The following FHOD3 variants were observed in gnomAD, a reference collection of about 807,000 sequenced individuals.
The protein encoded by FHOD3 is FH1/FH2 domain-containing protein 3.
Under a neutral mutation model 173.0 loss-of-function variants are expected in FHOD3, and 90 were observed. The observed-to-expected ratio is 0.52, with a 90% CI of 0.44 to 0.62. The LOEUF is 0.62. Ranked by LOEUF, FHOD3 falls within the 20% of genes least tolerant of loss-of-function variation. The pLI, the probability that FHOD3 is intolerant of heterozygous loss-of-function variation, is 0.00. For synonymous variants in FHOD3, 828 were observed against 823.0 expected (o/e 1.01, Z -0.10); for missense variants, 1,945 against 2,034.7 (o/e 0.96, Z 0.85).
intron 5 of FHOD3, among the ~76,000 whole-genome samples, chr18:36,536,307 A>G (rs1388502363): frequency 6.6e-6 from 1 of 152,214 alleles, no homozygotes; most frequent in Admixed American, 6.5e-5. Context: ...TTTCATCTCA[A>G]TTTCACAGTC....
chr18:36,330,936 T>G (rs2044970635), intron 1 of FHOD3, among the ~76,000 whole-genome samples: 1 of 152,168 alleles, frequency 6.6e-6, no homozygotes, highest in Non-Finnish European at 1.5e-5. Context: ...CATGCTCATT[T>G]GGGAGCTGGC....
At chr18:36,349,572 A>C (rs548202892) in intron 1 of FHOD3, among the ~76,000 whole-genome samples, 23 of 152,370 alleles carry the variant, frequency 1.5e-4, no homozygotes, top group African/African-American at 4.1e-4. Context: ...GGTTCTGTGC[A>C]AATCTATTTC....
At chr18:36,484,312 C>T (rs925251449) in intron 3 of FHOD3, among the ~76,000 whole-genome samples, 1 of 151,980 alleles carries the variant, frequency 6.6e-6, no homozygotes, top group African/African-American at 2.4e-5. Context: ...CCTGAACCTC[C>T]GATGACCTGC....
chr18:36,740,332 C>A (rs970436963), intron 20 of FHOD3, among the ~76,000 whole-genome samples: 4 of 152,102 alleles, frequency 2.6e-5, no homozygotes, highest in African/African-American at 9.7e-5. Flanking sequence ...TAAATTAATG[C>A]AGGAGAAGTG....
Position 36,717,841 on chromosome 18 carries a change from C to T in FHOD3, c.2543C>T (p.Pro848Leu). The T allele has an allele frequency of 1.3e-6, 2 of 1,572,206 alleles. No homozygotes were observed. Among genetic ancestry groups the T allele is most frequent in the Non-Finnish European group, 1.7e-6 (2 of 1,157,626 alleles). Residue 848 changes from proline to leucine, a missense_variant, in exon 19 of 29, where the codon CCC (proline) becomes CTC (leucine). Pro to Leu is a moderately conservative substitution (Grantham distance 98). Coordinates refer to ENST00000590592, the MANE Select transcript of FHOD3 (RefSeq NM_001281740.3). The part of the protein sequence containing the change: ...LSRDRTTGLW[P>L]AGVQDAGVNG... Reference sequence around the variant, plus strand: ...TCCCATGTACTTTCAGGTTTGTGGCCCGCAGGTGTCCAGGATGCAGGTGTA... The same window carrying T: ...TCCCATGTACTTTCAGGTTTGTGGCTCGCAGGTGTCCAGGATGCAGGTGTA...
chr18:36,729,824 C>T (rs1470578998), intron 19 of FHOD3, among the ~76,000 whole-genome samples: 1 of 152,190 alleles, frequency 6.6e-6, no homozygotes, highest in African/African-American at 2.4e-5. Context: ...GCCAAGCTCC[C>T]ATCTTTTGCT....
At chr18:36,743,393 AAC>A (rs1228799719) in intron 22 of FHOD3, among the ~76,000 whole-genome samples, 1 of 152,064 alleles carries the variant, frequency 6.6e-6, no homozygotes, top group East Asian at 1.9e-4. Context: ...AAAACAGAAA[AAC>A]ACACACATGA....
intron 3 of FHOD3, among the ~76,000 whole-genome samples, chr18:36,378,575 C>T (rs1329853817): frequency 7.0e-6 from 1 of 142,158 alleles, no homozygotes; most frequent in African/African-American, 2.7e-5. Flanking sequence ...CAACCCCTGT[C>T]CCCCCTGGAC....
chr18:36,625,273 G>A (rs556673440), intron 9 of FHOD3, among the ~76,000 whole-genome samples: 32 of 152,316 alleles, frequency 2.1e-4, no homozygotes, highest in African/African-American at 6.5e-4. Flanking sequence ...CATATTGGCT[G>A]CCCGCTTCGT....
chr18:36,522,164 C>T (rs1406623435), intron 5 of FHOD3, among the ~76,000 whole-genome samples: 2 of 152,162 alleles, frequency 1.3e-5, no homozygotes, highest in East Asian at 3.9e-4. Flanking sequence ...CAGGTTCCAT[C>T]CTTGTTCTGT....
chr18:36,392,475 C>T (rs2048349138), intron 3 of FHOD3, among the ~76,000 whole-genome samples: 1 of 152,158 alleles, frequency 6.6e-6, no homozygotes, highest in African/African-American at 2.4e-5. Context: ...ACAGTGTCTG[C>T]TAAGAAAGCC....
At chr18:36,346,923 C>T (rs1286500356) in intron 1 of FHOD3, among the ~76,000 whole-genome samples, 1 of 152,220 alleles carries the variant, frequency 6.6e-6, no homozygotes, top group African/African-American at 2.4e-5. Flanking sequence ...GCTTCAGTCC[C>T]TACACCCCAC....
chr18:36,586,313 G>T (rs759130993), intron 6 of FHOD3, among the ~76,000 whole-genome samples: 1 of 152,174 alleles, frequency 6.6e-6, no homozygotes, highest in Non-Finnish European at 1.5e-5. Context: ...TCCTTAGAAT[G>T]TGAAGTTTTG....
chr18:36,455,950 C>T (rs555435489), intron 3 of FHOD3, among the ~76,000 whole-genome samples: 6 of 152,186 alleles, frequency 3.9e-5, no homozygotes, highest in South Asian at 4.1e-4. Flanking sequence ...TCTTGGATGC[C>T]GCCCCCTAGT....
intron 9 of FHOD3, among the ~76,000 whole-genome samples, chr18:36,624,439 T>C (rs555593912): frequency 3.9e-5 from 6 of 152,274 alleles, no homozygotes; most frequent in African/African-American, 1.2e-4. Flanking sequence ...TTTTAGAGAA[T>C]GTAGGCGTAG....
chr18:36,528,581 T>G (rs1363061130), intron 5 of FHOD3, among the ~76,000 whole-genome samples: 1 of 152,168 alleles, frequency 6.6e-6, no homozygotes, highest in Non-Finnish European at 1.5e-5. Context: ...GTCCTGTGTC[T>G]CCTTATGGCT....
intron 9 of FHOD3, among the ~76,000 whole-genome samples, chr18:36,621,531 C>A (rs1568505974): frequency 6.6e-6 from 1 of 152,152 alleles, no homozygotes; most frequent in Non-Finnish European, 1.5e-5. Flanking sequence ...TTGGTACTGG[C>A]TGTTGGCTGG....
At chr18:36,731,164 T>A (rs1327481481) in intron 20 of FHOD3, among the ~76,000 whole-genome samples, 3 of 152,208 alleles carry the variant, frequency 2.0e-5, no homozygotes, top group Non-Finnish European at 4.4e-5. Flanking sequence ...GGGTTTTCAG[T>A]ACATGTGCAC....
chr18:36,561,018 G>A (rs566396760), intron 5 of FHOD3, among the ~76,000 whole-genome samples: 2 of 151,830 alleles, frequency 1.3e-5, no homozygotes, highest in Non-Finnish European at 2.9e-5. Flanking sequence ...TTCTGTTTAT[G>A]TATTCTTCCC....
Sources: allele counts gnomAD v4.1 joint callset (sites outside exome capture counted in the v4.1 genomes callset), GRCh38; gene constraint gnomAD v4.1.1; transcripts MANE v1.5; gene names NCBI Gene and HGNC (gene_info 2026-07-23, HGNC 2026-07-21).